Variants in XPA observed in about 807,000 individuals in gnomAD.
The protein encoded by XPA is DNA repair protein complementing XP-A cells.
Under a neutral mutation model 35.7 loss-of-function variants are expected in XPA, and 27 were observed. The observed-to-expected ratio is 0.76, with a 90% CI of 0.56 to 1.04. XPA has a LOEUF of 1.04. Ranked by LOEUF, XPA falls within the 50% of genes least tolerant of loss-of-function variation. XPA has a pLI of 0.00. For synonymous variants in XPA, 133 were observed against 118.4 expected, an observed-to-expected ratio of 1.12 and a Z score of -0.80; for missense variants, 354 against 342.7, an observed-to-expected ratio of 1.03 and a Z score of -0.26.
chr9:97,696,382 A>G (rs1181110826), intron 1 of XPA, among the ~76,000 whole-genome samples: 1 of 152,236 alleles, frequency 6.6e-6, no homozygotes, highest in East Asian at 1.9e-4. Context: ...ATAATCTGCA[A>G]TGAGAGATCA....
At chr9:97,682,934 A>G (rs1194895482) in intron 5 of XPA, among the ~76,000 whole-genome samples, 1 of 152,244 alleles carries the variant, frequency 6.6e-6, no homozygotes, top group Non-Finnish European at 1.5e-5. Context: ...GGATGCCATC[A>G]TCTTTCAATC....
chr9:97,669,090 T>A, the XPA span: 3 of 1,210,892 alleles, frequency 2.5e-6, no homozygotes, highest in Non-Finnish European at 3.3e-6. Context: ...ATAGAAGAGA[T>A]TAAAAATACA....
chr9:97,667,664 C>A, the XPA span, among the ~76,000 whole-genome samples: 3 of 152,286 alleles, frequency 2.0e-5, no homozygotes, highest in African/African-American at 7.2e-5. Context: ...TGTCAGACTC[C>A]AGAGACTTTT....
the XPA span, chr9:97,666,675 G>A: frequency 3.6e-6 from 3 of 831,358 alleles, no homozygotes; most frequent in East Asian, 5.4e-5. Flanking sequence ...TGTATCAGCT[G>A]TTAAGAATGA....
the XPA span, among the ~76,000 whole-genome samples, chr9:97,660,011 C>G: frequency 1.3e-5 from 2 of 152,196 alleles, no homozygotes; most frequent in Non-Finnish European, 2.9e-5. Flanking sequence ...TAGATTCTAG[C>G]CCAAGCTCAA....
At chr9:97,671,607 A>T (rs1428334912), downstream of XPA, 1 of 154,272 alleles carries the variant, frequency 6.5e-6, no homozygotes, top group Non-Finnish European at 1.4e-5. Flanking sequence ...CATGGCTGAA[A>T]TAAAACTAAA....
intron 5 of XPA, chr9:97,682,555 A>G (rs933971428): frequency 4.5e-6 from 2 of 447,728 alleles, no homozygotes; most frequent in Non-Finnish European, 4.4e-6. Context: ...CAAAAGCAGT[A>G]AAACATTTCT....
chr9:97,676,754 C>T (rs917996126), intron 5 of XPA, among the ~76,000 whole-genome samples: 1 of 152,130 alleles, frequency 6.6e-6, no homozygotes, highest in African/African-American at 2.4e-5. Context: ...TTATAAGTTG[C>T]TCAAGGTTAT....
At chr9:97,674,570 T>C (rs1828292150), downstream of XPA, among the ~76,000 whole-genome samples, 1 of 152,132 alleles carries the variant, frequency 6.6e-6, no homozygotes. Context: ...AATAATTCTT[T>C]TGACAAGCTA....
chr9:97,674,157 A>G (rs371537359), downstream of XPA, among the ~76,000 whole-genome samples: 39 of 150,364 alleles, frequency 2.6e-4, no homozygotes, highest in South Asian at 5.8e-3. Context: ...TAATGCTCTT[A>G]CAACAACCTG....
chr9:97,693,931 C>G (rs1828966717), intron 1 of XPA, among the ~76,000 whole-genome samples, 172 bp from the exon 2 acceptor site: 1 of 151,844 alleles, frequency 6.6e-6, no homozygotes. Flanking sequence ...TCTAACAGAG[C>G]AAGAAAACCA....
chr9:97,657,131 T>A, the XPA span, among the ~76,000 whole-genome samples: 1 of 152,144 alleles, frequency 6.6e-6, no homozygotes, highest in South Asian at 2.1e-4. Flanking sequence ...CACGCCTGGC[T>A]AATTTTTTGT....
chr9:97,688,143 G>T (rs915805681), intron 3 of XPA, among the ~76,000 whole-genome samples: 1 of 152,218 alleles, frequency 6.6e-6, no homozygotes, highest in Non-Finnish European at 1.5e-5. Flanking sequence ...TCCTGATTAT[G>T]ATTAAATATA....
At chr9:97,687,329 G>A in intron 3 of XPA, 68 bp from the exon 4 acceptor site, 1 of 1,396,316 alleles carries the variant, frequency 7.2e-7, no homozygotes, top group Non-Finnish European at 9.7e-7. Flanking sequence ...AAATAGCCCA[G>A]CAACTTAGGG....
intron 3 of XPA, among the ~76,000 whole-genome samples, chr9:97,688,624 T>C (rs1185102428): frequency 6.6e-6 from 1 of 152,208 alleles, no homozygotes; most frequent in Non-Finnish European, 1.5e-5. Context: ...ACGACAATAC[T>C]GTGGACTTTA....
chr9:97,668,953 T>C, the XPA span: 11 of 1,611,826 alleles, frequency 6.8e-6, 1 homozygote, highest in East Asian at 2.5e-4. Context: ...AACAAAAGAA[T>C]CTTTTCCTCG....
chr9:97,666,913 A>G, the XPA span: 2 of 1,370,626 alleles, frequency 1.5e-6, no homozygotes, highest in Admixed American at 2.2e-5. Flanking sequence ...AGTTAAAGAA[A>G]ATATACCAGA....
At chr9:97,670,158 G>T, downstream of XPA, 7 of 243,576 alleles carry the variant, frequency 2.9e-5, no homozygotes, top group South Asian at 5.7e-5. Flanking sequence ...CCTGACCTCA[G>T]GAGGCCTCCG....
At chr9:97,677,831 G>A (rs776530637) in intron 5 of XPA, among the ~76,000 whole-genome samples, 12 of 151,924 alleles carry the variant, frequency 7.9e-5, no homozygotes, top group Middle Eastern at 3.2e-3. Context: ...GGGTGAGAGA[G>A]CCCAAGAAAA....
Sources: allele counts gnomAD v4.1 joint callset (sites outside exome capture counted in the v4.1 genomes callset), GRCh38; gene constraint gnomAD v4.1.1; transcripts MANE v1.5; gene names NCBI Gene and HGNC (gene_info 2026-07-23, HGNC 2026-07-21).